The following NCBP1 variants were observed in gnomAD, a reference collection of about 807,000 sequenced individuals.
NCBP1 encodes nuclear cap binding protein subunit 1.
In NCBP1, 16 loss-of-function variants were observed where a neutral mutation model predicts 111.7. The ratio of observed to expected loss-of-function variants is 0.14; its 90% CI spans 0.10 to 0.22. The LOEUF (loss-of-function observed/expected upper bound fraction) is 0.22, where lower values mean the gene tolerates loss of function less well. Ranked by LOEUF, NCBP1 falls within the 10% of genes least tolerant of loss-of-function variation. The probability of loss-of-function intolerance (pLI) is 1.00; values close to 1 mark genes in which losing one functional copy is unlikely to be tolerated. For synonymous variants in NCBP1, 304 were observed against 314.3 expected (o/e 0.97, Z 0.35); for missense variants, 607 against 957.5 (o/e 0.63, Z 4.83).
chr9:97,660,789 C>G (rs767617894), intron 15 of NCBP1, among the ~76,000 whole-genome samples, 157 bp from the exon 16 acceptor site: 1 of 152,110 alleles, frequency 6.6e-6, no homozygotes, highest in Admixed American at 6.5e-5. Context: ...CTTTCACATA[C>G]GGTATTTATA....
chr9:97,641,457 A>G (rs1230176410), intron 2 of NCBP1, 105 bp from the exon 3 acceptor site: 11 of 859,888 alleles, frequency 1.3e-5, no homozygotes, highest in African/African-American at 1.8e-5. Context: ...TGATTTTAAA[A>G]TGATAGATTT....
chr9:97,671,370 G>A lies in NCBP1; in HGVS notation c.*171G>A. On this transcript the variant is annotated 3_prime_UTR_variant, in exon 23 of 23. Coordinates refer to ENST00000375147, the MANE Select transcript of NCBP1 (RefSeq NM_002486.5). ...GCATTACTTTTAATTGCCCTGAAAA[G>A]CAAATACTTCCTAACGGCAGTAATG... 1 of 542,514 alleles carries A rather than the reference G, an allele frequency of 1.8e-6. No homozygotes were observed. Among genetic ancestry groups the A allele is most frequent in the South Asian group, 2.5e-5 (1 of 40,066 alleles). The allele number at this position is 542,514 out of a possible 1,614,324, so 33.6% of individuals were successfully genotyped here.
rs540892545 is a variant in NCBP1 at position 97,664,336 on chromosome 9, G to A, written c.1798-4G>A. Reference sequence around the variant, plus strand: ...GATTTACTTGAATAATTCTCTCATTGTAGATGATTGCTGTACTAGTGGATA... The same window carrying A: ...GATTTACTTGAATAATTCTCTCATTATAGATGATTGCTGTACTAGTGGATA... On this transcript the variant is annotated splice_region_variant and splice_polypyrimidine_tract_variant and intron_variant, in intron 18 of 22. Transcript: ENST00000375147. 2 of 1,581,684 alleles carry A rather than the reference G, an allele frequency of 1.3e-6. No individual in the cohort carries two copies. The highest frequency in any genetic ancestry group is 2.2e-5 in the South Asian group (2 of 90,212).
chr9:97,649,002 A>G (rs2131342051), intron 8 of NCBP1, among the ~76,000 whole-genome samples: 1 of 152,300 alleles, frequency 6.6e-6, no homozygotes, highest in Admixed American at 6.5e-5. Context: ...GCACCTGTCC[A>G]TAATTATACT....
intron 10 of NCBP1, among the ~76,000 whole-genome samples, chr9:97,652,679 T>A (rs891247703): frequency 1.3e-5 from 2 of 152,220 alleles, no homozygotes; most frequent in Admixed American, 6.5e-5. Flanking sequence ...AGTCGTATCC[T>A]CTACCGACTG....
chr9:97,672,506 G>A lies in NCBP1; in HGVS notation c.*1307G>A, dbSNP rs1249952152. 1 of 152,142 alleles carries A rather than the reference G, an allele frequency of 6.6e-6. No individual in the cohort carries two copies. Among genetic ancestry groups the A allele is most frequent in the African/African-American group, 2.4e-5 (1 of 41,418 alleles). 9.4% of individuals were successfully genotyped at this position (152,142 alleles called of 1,614,324 possible). On this transcript the variant is annotated 3_prime_UTR_variant, in exon 23 of 23. Transcript: ENST00000375147. ...CCAGAAAAATCCAGGTTGCGTGGCTGGTTAGTAAAGGACTAAAACCCAGGT... is the reference window on the plus strand; with the variant it reads ...CCAGAAAAATCCAGGTTGCGTGGCTAGTTAGTAAAGGACTAAAACCCAGGT...
intron 1 of NCBP1, among the ~76,000 whole-genome samples, chr9:97,638,155 A>G (rs1347084611): frequency 6.6e-6 from 1 of 152,148 alleles, no homozygotes; most frequent in Non-Finnish European, 1.5e-5. Flanking sequence ...TGAGTTCAAT[A>G]TCATGTTTCT....
intron 4 of NCBP1, 99 bp from the exon 5 acceptor site, chr9:97,645,017 AG>A: frequency 1.2e-6 from 1 of 830,536 alleles, no homozygotes; most frequent in Admixed American, 2.1e-5. Flanking sequence ...CTTAGGCTAT[AG>A]TTTTTTAGAC....
chr9:97,668,056 G>T (rs1050218760), intron 20 of NCBP1, among the ~76,000 whole-genome samples: 4 of 152,186 alleles, frequency 2.6e-5, no homozygotes, highest in South Asian at 2.1e-4. Flanking sequence ...AAAGTGGAGA[G>T]ATCAGTAGAT....
chr9:97,665,387 A>G (rs1827963855), intron 19 of NCBP1, among the ~76,000 whole-genome samples: 1 of 152,228 alleles, frequency 6.6e-6, no homozygotes, highest in Non-Finnish European at 1.5e-5. Flanking sequence ...ATTATTGTCC[A>G]CATTTTACAG....
At chr9:97,658,512 T>G (rs977454003) in intron 14 of NCBP1, 128 bp from the exon 15 acceptor site, 1 of 692,634 alleles carries the variant, frequency 1.4e-6, no homozygotes, top group African/African-American at 1.8e-5. Flanking sequence ...GATTTTTTTT[T>G]CCCTTTCACT....
At chr9:97,642,635 A>T (rs1827233771) in intron 3 of NCBP1, among the ~76,000 whole-genome samples, 1 of 152,110 alleles carries the variant, frequency 6.6e-6, no homozygotes, top group African/African-American at 2.4e-5. Flanking sequence ...TCTTAACTAT[A>T]TCAGAGTATG....
chr9:97,669,620 C>T lies in NCBP1; in HGVS notation c.2173C>T (p.Leu725=), dbSNP rs1828116524. The part of the protein sequence containing the change: ...QRFIMILTEH[L]VRCETDGTSV... The stretch of plus-strand genomic sequence containing the variant: ...GTTTATCATGATCTTGACCGAGCAC[C>T]TAGTACGATGCGAAACTGATGGGAC... Residue 725 remains leucine, a synonymous_variant, in exon 22 of 23, where the codon CTA becomes TTA. Coordinates refer to ENST00000375147, the MANE Select transcript of NCBP1 (RefSeq NM_002486.5). 11 of 1,611,920 alleles carry T rather than the reference C, an allele frequency of 6.8e-6. No individual in the cohort carries two copies. The East Asian group carries it at 2.5e-4, about 36-fold the overall frequency.
rs770971060 is a variant in NCBP1, at chr9:97,671,238, C to G, written c.*39C>G. ...CTCATGTCAAGGTTTTTTTTGATAT[C>G]TTAAAATAATTTGTCTTATTTTTTG... On this transcript the variant is annotated 3_prime_UTR_variant, in exon 23 of 23. Coordinates refer to ENST00000375147, the MANE Select transcript of NCBP1 (RefSeq NM_002486.5). 4 of 1,388,128 alleles carry G rather than the reference C, an allele frequency of 2.9e-6. No individual in the cohort carries two copies. The highest frequency in any genetic ancestry group is 1.5e-5 in the African/African-American group (1 of 68,642). The allele number at this position is 1,388,128 out of a possible 1,614,324, so 86.0% of individuals were successfully genotyped here.
At chr9:97,662,502 A>G (rs16923144) in intron 17 of NCBP1, among the ~76,000 whole-genome samples, 6,209 of 152,214 alleles carry the variant, frequency 0.041, 450 homozygotes, top group African/African-American at 0.14. Context: ...GAGTCACGCA[A>G]AGGTTGGCAT....
Position 97,650,564 on chromosome 9 carries a change from G to A in NCBP1, c.959G>A (p.Cys320Tyr). 6.2e-7 allele frequency: 1 copy of A among 1,613,244 alleles called. No individual in the cohort carries two copies. The highest frequency in any genetic ancestry group is 8.5e-7 in the Non-Finnish European group (1 of 1,179,456). Reference protein sequence around the residue: ...ERFVIEENLHCIIKSHWKERK... With the variant: ...ERFVIEENLHYIIKSHWKERK... ...TTTGTAATAGAAGAGAATCTTCACT[G>A]CATCATTAAGTCCCACTGGAAGGAA... The change falls in exon 9 of 23, where the codon TGC becomes TAC. Residue 320 changes from cysteine to tyrosine, a missense_variant. By Grantham distance (194) the Cys-to-Tyr change is radical. Transcript: ENST00000375147.
chr9:97,656,957 G>GT lies in NCBP1; in HGVS notation c.1373+880dup, dbSNP rs200285434. Among the ~76,000 whole-genome samples the GT allele has an allele frequency of 4.3e-3, 658 of 151,836 alleles. 5 individuals carry two copies. The highest frequency in any genetic ancestry group is 0.015 in the African/African-American group (630 of 41,368). Reference sequence around the variant, plus strand: ...CTGTATTTCCTGTCTGGTCTGGAGTGTTTTTTTTGTTTTGTTTTGTTTTGT... The same window carrying GT: ...CTGTATTTCCTGTCTGGTCTGGAGTGTTTTTTTTTGTTTTGTTTTGTTTTGT... On this transcript the variant is annotated intron_variant, in intron 14 of 22. Coordinates refer to ENST00000375147, the MANE Select transcript of NCBP1 (RefSeq NM_002486.5).
intron 17 of NCBP1, 56 bp from the exon 18 acceptor site, chr9:97,662,898 C>T (rs904465833): frequency 2.3e-6 from 3 of 1,320,566 alleles, no homozygotes; most frequent in Non-Finnish European, 3.2e-6. Flanking sequence ...TTTGAAAACA[C>T]TAAAATGTTT....
chr9:97,657,914 A>C lies in NCBP1; in HGVS notation c.1374-726A>C, dbSNP rs1437398923. Among the ~76,000 whole-genome samples the C allele has an allele frequency of 2.7e-3, 282 of 102,674 alleles. 1 individual carries two copies. Among genetic ancestry groups the C allele is most frequent in the East Asian group, 0.011 (48 of 4,422 alleles). 67.4% of individuals were successfully genotyped at this position (102,674 alleles called of 152,430 possible). A position where few individuals can be genotyped will look rare whatever the true frequency, so the allele number is the denominator to read the frequency against. ...TCTCTCTCTCTCTCTCTCTATATATATATATATATATATTTTTTTTTTTTT... is the reference window on the plus strand; with the variant it reads ...TCTCTCTCTCTCTCTCTCTATATATCTATATATATATATTTTTTTTTTTTT... On this transcript the variant is annotated intron_variant, in intron 14 of 22. Transcript: ENST00000375147.
Sources: allele counts gnomAD v4.1 joint callset (sites outside exome capture counted in the v4.1 genomes callset), GRCh38; gene constraint gnomAD v4.1.1; transcripts MANE v1.5; gene names NCBI Gene and HGNC (gene_info 2026-07-23, HGNC 2026-07-21).